PTPRN2: variants seen among roughly 807,000 people sequenced by gnomAD.
The protein encoded by PTPRN2 is protein tyrosine phosphatase receptor type N2.
In PTPRN2, 74 loss-of-function variants were observed where a neutral mutation model predicts 118.8. The ratio of observed to expected loss-of-function variants is 0.62; its 90% CI spans 0.52 to 0.76. PTPRN2 has a LOEUF of 0.76. Among genes scored for constraint, PTPRN2 ranks in the 30% least tolerant of loss-of-function variants. PTPRN2 has a pLI of 0.00. For synonymous variants in PTPRN2, 641 were observed against 608.0 expected (o/e 1.05, Z -0.80); for missense variants, 1,481 against 1,394.4 (o/e 1.06, Z -0.99).
At chr7:157,878,556 C>T (rs1347479823) in intron 12 of PTPRN2, among the ~76,000 whole-genome samples, 3 of 142,106 alleles carry the variant, frequency 2.1e-5, no homozygotes, top group South Asian at 4.5e-4. Context: ...AGTGTGATAC[C>T]GTGCACCCAC....
rs75860209 is a variant in PTPRN2, at chr7:158,280,952, G to C, written c.277+35867C>G. On this transcript the variant is annotated intron_variant, in intron 3 of 22. Coordinates refer to ENST00000389418, the MANE Select transcript of PTPRN2 (RefSeq NM_002847.5). ...CGGTGCTCTGGAAACATAGGCTAGC[G>C]AGAGTCTAAAGAGGTGGTGCAGGCT... Among the ~76,000 whole-genome samples, 1,050 of 152,346 alleles carry C rather than the reference G, an allele frequency of 6.9e-3. 29 individuals are homozygous for C. The highest frequency in any genetic ancestry group is 0.033 in the Admixed American group (511 of 15,302).
chr7:157,759,019 C>T (rs1338070647), intron 12 of PTPRN2, among the ~76,000 whole-genome samples: 2 of 152,228 alleles, frequency 1.3e-5, no homozygotes, highest in Non-Finnish European at 2.9e-5. Flanking sequence ...TTACACAAGT[C>T]ACATCAAATA....
At chr7:157,774,285 C>T (rs757273297) in intron 12 of PTPRN2, among the ~76,000 whole-genome samples, 1 of 152,198 alleles carries the variant, frequency 6.6e-6, no homozygotes, top group Non-Finnish European at 1.5e-5. Context: ...GAATATGCAC[C>T]ATCCTCCATG....
At chr7:158,125,234 CT>C (rs76194301) in intron 9 of PTPRN2, among the ~76,000 whole-genome samples, 46,787 of 148,086 alleles carry the variant, frequency 0.32, 7,629 homozygotes, top group Admixed American at 0.42. Flanking sequence ...GGCTGCCCCC[CT>C]GTCTCGAGTC....
rs1180361778 is a variant in PTPRN2, at chr7:157,771,675, ACAGACACACATG to A, written c.1789-88750_1789-88739del. On this transcript the variant is annotated intron_variant, in intron 12 of 22. Coordinates refer to ENST00000389418, the MANE Select transcript of PTPRN2 (RefSeq NM_002847.5). ...CACACAGTCAGAGACACACAAACAC[ACAGACACACATG>A]CAGACACACAAACACACAGACACAC... Among the ~76,000 whole-genome samples, 7 of 151,832 alleles carry A rather than the reference ACAGACACACATG, an allele frequency of 4.6e-5. No homozygotes were observed. The East Asian group carries it at 7.7e-4, about 17-fold the overall frequency.
intron 12 of PTPRN2, among the ~76,000 whole-genome samples, chr7:157,711,574 T>C (rs61350166): frequency 0.034 from 5,172 of 152,246 alleles, 294 homozygotes; most frequent in African/African-American, 0.12. Context: ...CATGCCCTCC[T>C]TCCCTTCCTC....
Position 157,986,636 on chromosome 7 carries a change from C to T in PTPRN2, c.1724-87899G>A, listed in dbSNP as rs917529328. Among the ~76,000 whole-genome samples the T allele has an allele frequency of 3.3e-5, 5 of 152,212 alleles. No homozygotes were observed. The highest frequency in any genetic ancestry group is 1.2e-4 in the African/African-American group (5 of 41,460). ...TCACTCAAAATTCCCATTCACTCAGCATTACCACGGTTTGATATTAGGACT... is the reference window on the plus strand; with the variant it reads ...TCACTCAAAATTCCCATTCACTCAGTATTACCACGGTTTGATATTAGGACT... On this transcript the variant is annotated intron_variant, in intron 11 of 22. Transcript: ENST00000389418. The surrounding 1 kb of genome is among the most constrained non-coding windows in gnomAD (Gnocchi z 4.5).
intron 12 of PTPRN2, among the ~76,000 whole-genome samples, chr7:157,860,607 T>A (rs1810161939): frequency 6.6e-6 from 1 of 152,258 alleles, no homozygotes; most frequent in African/African-American, 2.4e-5. Context: ...TAGATACCAC[T>A]CCATGCAAAT....
chr7:158,478,079 G>C (rs1428798404), intron 2 of PTPRN2, among the ~76,000 whole-genome samples: 1 of 152,242 alleles, frequency 6.6e-6, no homozygotes, highest in African/African-American at 2.4e-5. Context: ...TGGTAGGCAG[G>C]CCATGCTGCA....
intron 12 of PTPRN2, among the ~76,000 whole-genome samples, chr7:157,800,333 T>A (rs548242900): frequency 1.4e-4 from 21 of 152,338 alleles, no homozygotes; most frequent in Middle Eastern, 6.8e-3. Context: ...TTTCTTCACA[T>A]CACACCTTAC....
chr7:158,054,758 C>T (rs187345789), intron 11 of PTPRN2, among the ~76,000 whole-genome samples: 79 of 152,382 alleles, frequency 5.2e-4, no homozygotes, highest in Middle Eastern at 3.4e-3. Context: ...CCCCGTAGCA[C>T]CGTCAGCCCT....
intron 1 of PTPRN2, among the ~76,000 whole-genome samples, chr7:158,583,983 C>T (rs1464643462): frequency 6.6e-6 from 1 of 152,218 alleles, no homozygotes; most frequent in East Asian, 1.9e-4. Flanking sequence ...TTCACAAAGC[C>T]AGCAGAGTCC....
intron 2 of PTPRN2, among the ~76,000 whole-genome samples, chr7:158,425,963 A>T (rs62479980): frequency 7.3e-4 from 42 of 57,440 alleles, no homozygotes; most frequent in South Asian, 3.2e-3. Flanking sequence ...AAAGACGCAG[A>T]GTCCGAGACC....
chr7:158,067,568 G>C (rs1161131419), intron 11 of PTPRN2, among the ~76,000 whole-genome samples: 1 of 152,206 alleles, frequency 6.6e-6, no homozygotes, highest in Non-Finnish European at 1.5e-5. Context: ...CAGAACTGCT[G>C]TTCTACAATC....
chr7:158,287,217 TTC>T (rs1481555426), intron 3 of PTPRN2, among the ~76,000 whole-genome samples: 1 of 152,126 alleles, frequency 6.6e-6, no homozygotes, highest in Admixed American at 6.5e-5. Context: ...CACTTGACTT[TTC>T]TCTTTTTTCT....
chr7:157,817,894 T>C (rs1296676217), intron 12 of PTPRN2, among the ~76,000 whole-genome samples: 1 of 151,912 alleles, frequency 6.6e-6, no homozygotes, highest in Non-Finnish European at 1.5e-5. Context: ...GTGGTGTGTG[T>C]AGTGAGATGT....
intron 2 of PTPRN2, among the ~76,000 whole-genome samples, chr7:158,407,173 G>A (rs1297902869): frequency 7.4e-4 from 65 of 88,238 alleles, no homozygotes; most frequent in African/African-American, 2.0e-3. Context: ...TGGGTCCTGC[G>A]TCCTGCGTCC....
At chr7:158,203,841 A>G (rs566951459) in intron 4 of PTPRN2, among the ~76,000 whole-genome samples, 2 of 152,360 alleles carry the variant, frequency 1.3e-5, no homozygotes, top group African/African-American at 4.8e-5. Flanking sequence ...TTGGTTTCCT[A>G]CAGAAAAGTC....
chr7:157,564,247 T>C (rs1395263339), intron 21 of PTPRN2, among the ~76,000 whole-genome samples: 2 of 152,242 alleles, frequency 1.3e-5, no homozygotes, highest in African/African-American at 4.8e-5. Context: ...TTCTCCTGCC[T>C]CAGCCTCCTG....
Sources: allele counts gnomAD v4.1 joint callset (sites outside exome capture counted in the v4.1 genomes callset), GRCh38; gene constraint gnomAD v4.1.1; non-coding constraint Gnocchi (gnomAD v3.1); transcripts MANE v1.5; gene names NCBI Gene and HGNC (gene_info 2026-07-23, HGNC 2026-07-21).